NALF1: variants seen among roughly 807,000 people sequenced by gnomAD.
NALF1 encodes the protein NALCN channel auxiliary factor 1, also known as family with sequence similarity 155 member A.
Under a neutral mutation model 48.4 loss-of-function variants are expected in NALF1, and 3 were observed. The ratio of observed to expected loss-of-function variants is 0.06; its 90% confidence interval spans 0.03 to 0.16. The LOEUF is 0.16. Among genes scored for constraint, NALF1 ranks in the 10% least tolerant of loss-of-function variants. The pLI, the probability that NALF1 is intolerant of heterozygous loss-of-function variation, is 1.00. For missense variants in NALF1, 526 were observed against 571.5 expected (o/e 0.92, Z 0.81); for synonymous variants, 262 against 245.7 (o/e 1.07, Z -0.62).
At chr13:107,406,311 A>T (rs974540110) in intron 1 of NALF1, among the ~76,000 whole-genome samples, 2 of 152,224 alleles carry the variant, frequency 1.3e-5, no homozygotes, top group South Asian at 2.1e-4. Flanking sequence ...GGATAAAAAA[A>T]GACCCAATGA....
intron 1 of NALF1, among the ~76,000 whole-genome samples, chr13:107,229,176 A>G (rs1880168515): frequency 6.6e-6 from 1 of 152,112 alleles, no homozygotes; most frequent in Non-Finnish European, 1.5e-5. Context: ...ACACACTCAA[A>G]TATTTTGAAG....
chr13:107,761,328 G>A (rs1877257394), intron 1 of NALF1, among the ~76,000 whole-genome samples: 1 of 150,252 alleles, frequency 6.7e-6, no homozygotes, highest in Non-Finnish European at 1.5e-5. Context: ...CTGCACCCCA[G>A]CCTGAGCGAC....
At chr13:107,632,873 G>A (rs368935006) in intron 1 of NALF1, among the ~76,000 whole-genome samples, 3 of 146,018 alleles carry the variant, frequency 2.1e-5, no homozygotes, top group South Asian at 2.2e-4. Flanking sequence ...AGAAAAAGAC[G>A]GAAATGAAGG....
intron 1 of NALF1, among the ~76,000 whole-genome samples, chr13:107,693,258 G>C (rs552951875): frequency 7.0e-6 from 1 of 141,976 alleles, no homozygotes; most frequent in African/African-American, 2.6e-5. Context: ...TCACTCATAG[G>C]TAGGAATTGA....
chr13:107,685,585 G>C (rs890752286), intron 1 of NALF1, among the ~76,000 whole-genome samples: 4 of 152,186 alleles, frequency 2.6e-5, no homozygotes, highest in Non-Finnish European at 4.4e-5. Context: ...AGCACAGAAT[G>C]CTAGTAACTT....
intron 1 of NALF1, among the ~76,000 whole-genome samples, chr13:107,452,607 C>T (rs978064532): frequency 2.6e-5 from 4 of 152,128 alleles, no homozygotes; most frequent in African/African-American, 9.7e-5. Context: ...GACTTGGGCG[C>T]AGACACAAAG....
At chr13:107,612,967 T>C (rs1319874546) in intron 1 of NALF1, among the ~76,000 whole-genome samples, 4 of 150,842 alleles carry the variant, frequency 2.7e-5, no homozygotes. Flanking sequence ...AGAGGGCAAA[T>C]TTATGGGTTT....
intron 1 of NALF1, among the ~76,000 whole-genome samples, chr13:107,309,756 G>A (rs1282521546): frequency 6.6e-6 from 1 of 152,130 alleles, no homozygotes; most frequent in Non-Finnish European, 1.5e-5. Context: ...AATATAGTTG[G>A]AACACATAGC....
chr13:107,656,863 A>T (rs893933663), intron 1 of NALF1, among the ~76,000 whole-genome samples: 3 of 152,200 alleles, frequency 2.0e-5, no homozygotes, highest in South Asian at 2.1e-4. Flanking sequence ...AGCAACCTAG[A>T]TGGAATCGGA....
Position 107,170,533 on chromosome 13 carries a change from G to A in NALF1, c.1341C>T (p.Ile447=). 1 of 1,608,694 alleles carries A rather than the reference G, an allele frequency of 6.2e-7. No homozygotes were observed. The highest frequency in any genetic ancestry group is 8.5e-7 in the Non-Finnish European group (1 of 1,175,912). ...QNTAGLSFGG[I]NTLEENSTNE... Reference sequence around the variant, plus strand: ...TGGTTGAGTTTTCTTCCAGCGTGTTGATGCCTCCAAAGCTCAGTCCGGCTG... The same window carrying A: ...TGGTTGAGTTTTCTTCCAGCGTGTTAATGCCTCCAAAGCTCAGTCCGGCTG... The change falls in exon 3 of 3, where the codon ATC becomes ATT. Residue 447 remains isoleucine, a synonymous_variant. Coordinates refer to ENST00000375915, the MANE Select transcript of NALF1 (RefSeq NM_001080396.3).
At chr13:107,646,511 A>T (rs2138463749) in intron 1 of NALF1, among the ~76,000 whole-genome samples, 1 of 152,242 alleles carries the variant, frequency 6.6e-6, no homozygotes, top group South Asian at 2.1e-4. Flanking sequence ...CTTATCCTAT[A>T]TTCTCACAGG....
chr13:107,468,287 C>T (rs1047745167), intron 1 of NALF1, among the ~76,000 whole-genome samples: 24 of 152,102 alleles, frequency 1.6e-4, no homozygotes, highest in Admixed American at 4.6e-4. Context: ...AAAATGGAGG[C>T]CACTATGCCA....
intron 1 of NALF1, among the ~76,000 whole-genome samples, chr13:107,537,659 GTCC>G (rs1228287508): frequency 6.6e-6 from 1 of 152,082 alleles, no homozygotes; most frequent in Non-Finnish European, 1.5e-5. Context: ...CAGCTTCACA[GTCC>G]AGACTCCAGG....
At chr13:107,446,618 A>G (rs760627923) in intron 1 of NALF1, among the ~76,000 whole-genome samples, 1 of 152,084 alleles carries the variant, frequency 6.6e-6, no homozygotes, top group Non-Finnish European at 1.5e-5. Context: ...TTTTCTGAAA[A>G]TTGTATTGTT....
chr13:107,802,352 T>C (rs892514997), intron 1 of NALF1, among the ~76,000 whole-genome samples: 6 of 152,196 alleles, frequency 3.9e-5, no homozygotes, highest in Non-Finnish European at 8.8e-5. Context: ...GATAGTTTTA[T>C]TTTTCCATTT....
chr13:107,575,420 G>C (rs1374246734), intron 1 of NALF1, among the ~76,000 whole-genome samples: 2 of 152,074 alleles, frequency 1.3e-5, no homozygotes, highest in African/African-American at 4.8e-5. Context: ...GTCTCTCCAG[G>C]GCACCATCCC....
intron 1 of NALF1, among the ~76,000 whole-genome samples, chr13:107,654,297 A>C (rs1880522022): frequency 6.6e-6 from 1 of 152,186 alleles, no homozygotes; most frequent in Non-Finnish European, 1.5e-5. Flanking sequence ...AAGTAACTGT[A>C]GTTTTTGCAT....
chr13:107,831,598 A>C (rs185059610), intron 1 of NALF1, among the ~76,000 whole-genome samples: 3 of 152,302 alleles, frequency 2.0e-5, no homozygotes, highest in Admixed American at 2.0e-4. Flanking sequence ...AGAGTAAAAA[A>C]TCTGGAACCA....
chr13:107,617,093 G>A (rs186438106), intron 1 of NALF1, among the ~76,000 whole-genome samples: 1 of 152,146 alleles, frequency 6.6e-6, no homozygotes, highest in East Asian at 1.9e-4. Flanking sequence ...TCTTCAGTTT[G>A]TCTGGAATTT....
Sources: allele counts gnomAD v4.1 joint callset (sites outside exome capture counted in the v4.1 genomes callset), GRCh38; gene constraint gnomAD v4.1.1; transcripts MANE v1.5; gene names NCBI Gene and HGNC (gene_info 2026-07-23, HGNC 2026-07-21).